The following PARD3B variants were observed in gnomAD, a reference collection of about 807,000 sequenced individuals.
The protein encoded by PARD3B is par-3 family cell polarity regulator beta.
A neutral mutation model predicts 130.2 loss-of-function variants in PARD3B; 103 were observed. The ratio of observed to expected loss-of-function variants is 0.79; its 90% CI spans 0.67 to 0.93. The LOEUF is 0.93. Ranked by LOEUF, PARD3B falls within the 40% of genes least tolerant of loss-of-function variation. The pLI is 0.00. For missense variants in PARD3B, 1,609 were observed against 1,499.2 expected (o/e 1.07, Z -1.21); for synonymous variants, 583 against 553.2 (o/e 1.05, Z -0.76).
rs2050101275 is a variant in PARD3B at position 205,500,020 on chromosome 2, G to A, written c.3169G>A (p.Asp1057Asn). 6.2e-7 allele frequency: 1 copy of A among 1,613,630 alleles called. No individual in the cohort carries two copies. Among genetic ancestry groups the A allele is most frequent in the Non-Finnish European group, 8.5e-7 (1 of 1,179,700 alleles). Residue 1057 changes from aspartate to asparagine, a missense_variant, in exon 21 of 23, where the codon GAC becomes AAC. Coordinates refer to ENST00000406610, the MANE Select transcript of PARD3B (RefSeq NM_001302769.2). ...AGGAAGAGCAAGGCCATCTGAGTAT[G>A]ACCTACTCTGGGTAAGCGCATGCAT... ...DEGRARPSEY[D>N]LLWVPGRGPD...
chr2:205,277,097 C>T (rs1414593534), intron 16 of PARD3B, among the ~76,000 whole-genome samples: 3 of 152,200 alleles, frequency 2.0e-5, no homozygotes, highest in African/African-American at 4.8e-5. Context: ...TTCTAGGTTA[C>T]AGTCAGGAAG....
Position 205,589,654 on chromosome 2 carries a change from T to C in PARD3B, c.3261-25802T>C, listed in dbSNP as rs1274551051. ...TTTATATAACTAATTGCAAATTAAT[T>C]GCACCCTCACATTGTTGTCTCTATT... is the stretch of plus-strand genomic sequence containing the variant. On this transcript the variant is annotated intron_variant, in intron 22 of 22. Transcript: ENST00000406610. This position sits in a 1 kb window ranked among gnomAD's most constrained non-coding sequence, Gnocchi z 4.1. 2.0e-5 allele frequency among the ~76,000 whole-genome samples: 3 copies of C among 152,186 alleles called. No individual in the cohort carries two copies. Among genetic ancestry groups the C allele is most frequent in the Non-Finnish European group, 2.9e-5 (2 of 68,036 alleles).
chr2:205,380,130 A>AATATAAAGAATATG (rs2045261426), intron 18 of PARD3B, among the ~76,000 whole-genome samples: 1 of 130,506 alleles, frequency 7.7e-6, no homozygotes, highest in Non-Finnish European at 1.6e-5. Context: ...TATATTATAT[A>AATATAAAGAATATG]TATTATATAA....
chr2:205,511,917 A>C (rs1559163204), intron 21 of PARD3B, among the ~76,000 whole-genome samples: 1 of 152,206 alleles, frequency 6.6e-6, no homozygotes, highest in Non-Finnish European at 1.5e-5. Flanking sequence ...TTTCAGTTTA[A>C]GGAAATTTTT....
intron 2 of PARD3B, among the ~76,000 whole-genome samples, chr2:204,746,817 G>C (rs566347755): frequency 6.6e-6 from 1 of 152,000 alleles, no homozygotes; most frequent in Non-Finnish European, 1.5e-5. Flanking sequence ...TGCCCACTTT[G>C]TGATGGGGTT....
intron 20 of PARD3B, among the ~76,000 whole-genome samples, chr2:205,488,778 G>A (rs878937251): frequency 2.6e-5 from 4 of 152,226 alleles, no homozygotes; most frequent in South Asian, 2.1e-4. Context: ...ACATATGTTC[G>A]TTAAATGGAA....
chr2:204,991,980 C>G (rs1304843103), intron 3 of PARD3B, among the ~76,000 whole-genome samples: 2 of 151,818 alleles, frequency 1.3e-5, no homozygotes, highest in Admixed American at 1.3e-4. Context: ...GATATTAGCC[C>G]TTTGTCAGAT....
intron 1 of PARD3B, among the ~76,000 whole-genome samples, chr2:204,579,407 T>G (rs143308524): frequency 1.2e-4 from 18 of 152,074 alleles, no homozygotes; most frequent in East Asian, 9.7e-4. Context: ...GCGCGAGGAA[T>G]GATGTCAGCA....
chr2:205,344,255 A>G (rs2043663087), intron 18 of PARD3B, among the ~76,000 whole-genome samples: 1 of 150,928 alleles, frequency 6.6e-6, no homozygotes, highest in African/African-American at 2.4e-5. Flanking sequence ...CACAGAGACC[A>G]AAAGCCGTGG....
rs913423865 is a variant in PARD3B at position 204,671,140 on chromosome 2, T to A, written c.121-15041T>A. ...GGTGGAGCACATTCGTCTAATCACC[T>A]GTCAGGAGTGACTGGGAGGAGGGTT... On this transcript the variant is annotated intron_variant, in intron 1 of 22. Transcript: ENST00000406610. Among the ~76,000 whole-genome samples the A allele has an allele frequency of 2.0e-4, 31 of 152,172 alleles. 1 individual carries two copies. The highest frequency in any genetic ancestry group is 7.2e-4 in the African/African-American group (30 of 41,434).
intron 18 of PARD3B, among the ~76,000 whole-genome samples, chr2:205,308,561 A>G (rs1232859187): frequency 7.1e-6 from 1 of 141,062 alleles, no homozygotes; most frequent in South Asian, 2.4e-4. Flanking sequence ...GAGCCGAGAT[A>G]GCACCACTGC....
chr2:205,016,657 A>G (rs1696173298), intron 3 of PARD3B, among the ~76,000 whole-genome samples: 2 of 152,192 alleles, frequency 1.3e-5, no homozygotes, highest in South Asian at 4.1e-4. Context: ...CTGAAAATAT[A>G]GGTTTCCAGA....
intron 19 of PARD3B, among the ~76,000 whole-genome samples, chr2:205,408,780 G>A (rs145954378): frequency 2.0e-5 from 3 of 152,112 alleles, no homozygotes; most frequent in Non-Finnish European, 4.4e-5. Flanking sequence ...GATTAATTCA[G>A]CATGGTTTTA....
chr2:204,986,026 G>A lies in PARD3B; in HGVS notation c.394+20703G>A, dbSNP rs997237175. On this transcript the variant is annotated intron_variant, in intron 3 of 22. Coordinates refer to ENST00000406610, the MANE Select transcript of PARD3B (RefSeq NM_001302769.2). ...TGAGGCAGGAGAATTGCTTGAATCCGGGAGGTGGAGCTTGCAGTGAGCCGA... is the reference window on the plus strand; with the variant it reads ...TGAGGCAGGAGAATTGCTTGAATCCAGGAGGTGGAGCTTGCAGTGAGCCGA... Among the ~76,000 whole-genome samples, 13 of 150,844 alleles carry A rather than the reference G, an allele frequency of 8.6e-5. No homozygotes were observed. The East Asian group carries it at 2.2e-3, about 25-fold the overall frequency.
At chr2:204,552,221 G>A (rs2030515964) in intron 1 of PARD3B, among the ~76,000 whole-genome samples, 1 of 152,142 alleles carries the variant, frequency 6.6e-6, no homozygotes, top group South Asian at 2.1e-4. Flanking sequence ...CCATCAGAAA[G>A]GGATCTTCAG....
chr2:205,595,659 A>G (rs1559253151), intron 22 of PARD3B, among the ~76,000 whole-genome samples: 1 of 152,228 alleles, frequency 6.6e-6, no homozygotes, highest in Non-Finnish European at 1.5e-5. Flanking sequence ...ACTCAAACAA[A>G]TAGAAGAGAG....
intron 1 of PARD3B, among the ~76,000 whole-genome samples, chr2:204,576,536 T>A (rs910649898): frequency 7.2e-5 from 11 of 152,144 alleles, no homozygotes; most frequent in African/African-American, 2.7e-4. Context: ...GCTCTTTTTT[T>A]CAATTAACAA....
intron 4 of PARD3B, among the ~76,000 whole-genome samples, chr2:205,067,834 T>A (rs1349906375): frequency 6.6e-6 from 1 of 152,210 alleles, no homozygotes; most frequent in Non-Finnish European, 1.5e-5. Flanking sequence ...TACTCAGCCT[T>A]CCTTTCATTT....
intron 2 of PARD3B, among the ~76,000 whole-genome samples, chr2:204,921,748 A>T (rs13019384): frequency 0.2 from 30,323 of 152,040 alleles, 3,747 homozygotes; most frequent in Non-Finnish European, 0.28. Flanking sequence ...AATTTTAGAA[A>T]GAAAAGTTTC....
Sources: gnomAD v4.1 joint callset for allele counts (sites outside exome capture counted in the v4.1 genomes callset) on GRCh38, gnomAD v4.1.1 for gene constraint, Gnocchi (gnomAD v3.1) non-coding constraint, MANE v1.5 for transcripts, NCBI Gene and HGNC (gene_info 2026-07-23, HGNC 2026-07-21) for gene names.